Variants in COL9A1 observed in about 807,000 individuals in gnomAD.
COL9A1 encodes the protein collagen alpha-1(IX) chain.
A neutral mutation model predicts 142.6 loss-of-function variants in COL9A1; 104 were observed. The observed-to-expected ratio is 0.73, with a 90% CI of 0.62 to 0.86. COL9A1 has a LOEUF of 0.86. Among genes scored for constraint, COL9A1 ranks in the 40% least tolerant of loss-of-function variants. The pLI is 0.00. For synonymous variants in COL9A1, 466 were observed against 396.0 expected (o/e 1.18, Z -2.10); for missense variants, 1,210 against 1,176.6 (o/e 1.03, Z -0.42).
intron 33 of COL9A1, among the ~76,000 whole-genome samples, chr6:70,236,412 C>T (rs1355601483): frequency 6.6e-6 from 1 of 152,164 alleles, no homozygotes; most frequent in Non-Finnish European, 1.5e-5. Flanking sequence ...CTCCAATGTA[C>T]TGCTGCTGTT....
At chr6:70,282,542 G>A (rs992905863) in intron 7 of COL9A1, among the ~76,000 whole-genome samples, 3 of 150,808 alleles carry the variant, frequency 2.0e-5, no homozygotes, top group Non-Finnish European at 4.4e-5. Context: ...TTCCAGCAAG[G>A]CCTGCTGTTG....
chr6:70,301,246 A>G (rs1251828516), intron 2 of COL9A1, among the ~76,000 whole-genome samples: 5 of 152,276 alleles, frequency 3.3e-5, no homozygotes, highest in African/African-American at 9.6e-5. Flanking sequence ...ATCTGACAAC[A>G]GAGACTCTCT....
At chr6:70,241,072 T>C (rs1770226961) in intron 31 of COL9A1, among the ~76,000 whole-genome samples, 1 of 152,198 alleles carries the variant, frequency 6.6e-6, no homozygotes, top group South Asian at 2.1e-4. Context: ...AACAGTTTAT[T>C]TGCTGAGGTC....
intron 2 of COL9A1, among the ~76,000 whole-genome samples, chr6:70,301,214 C>G (rs1193381547): frequency 6.6e-6 from 1 of 152,182 alleles, no homozygotes; most frequent in African/African-American, 2.4e-5. Flanking sequence ...AAATATCCAA[C>G]CTCAGTGCCT....
At chr6:70,226,147 T>A in intron 36 of COL9A1, 138 bp from the exon 37 acceptor site, 1 of 704,148 alleles carries the variant, frequency 1.4e-6, no homozygotes, top group Non-Finnish European at 2.4e-6. Context: ...AGTGAGTATG[T>A]AGCAAGGCAA....
At chr6:70,273,432 T>C (rs1219960297) in intron 12 of COL9A1, among the ~76,000 whole-genome samples, 2 of 152,070 alleles carry the variant, frequency 1.3e-5, no homozygotes, top group African/African-American at 4.8e-5. Context: ...TGCTGAAATA[T>C]GGCAAAGAAA....
chr6:70,256,315 A>AAAAG (rs773131974), intron 21 of COL9A1, among the ~76,000 whole-genome samples: 4 of 152,344 alleles, frequency 2.6e-5, no homozygotes, highest in African/African-American at 4.8e-5. Flanking sequence ...ATATTCAATT[A>AAAAG]TCAATGGATG....
intron 5 of COL9A1, among the ~76,000 whole-genome samples, chr6:70,287,190 G>C (rs1021998107): frequency 2.0e-5 from 3 of 152,132 alleles, no homozygotes; most frequent in Non-Finnish European, 4.4e-5. Flanking sequence ...TTTACATAGA[G>C]GGGTTACAAC....
At chr6:70,301,442 T>A (rs989708603) in intron 2 of COL9A1, among the ~76,000 whole-genome samples, 10 of 152,122 alleles carry the variant, frequency 6.6e-5, no homozygotes, top group Non-Finnish European at 1.2e-4. Context: ...CCAGGCATGC[T>A]GGCACATGCC....
Position 70,272,095 on chromosome 6 carries a change from G to C in COL9A1, c.1066-7C>G. On this transcript the variant is annotated splice_region_variant and splice_polypyrimidine_tract_variant and intron_variant, in intron 12 of 37. Coordinates refer to ENST00000357250, the MANE Select transcript of COL9A1 (RefSeq NM_001851.6). ...GTCCAGGAATACCACGGCCCTAAAA[G>C]AGTACAATAAAAATGGTTATAGCTT... is the stretch of plus-strand genomic sequence containing the variant. 2 of 1,610,336 alleles carry C rather than the reference G, an allele frequency of 1.2e-6. No homozygotes were observed. The highest frequency in any genetic ancestry group is 1.7e-6 in the Non-Finnish European group (2 of 1,177,254).
intron 10 of COL9A1, chr6:70,280,222 A>T: frequency 9.7e-7 from 1 of 1,026,970 alleles, no homozygotes; most frequent in Non-Finnish European, 1.3e-6. Context: ...CAGTAATGCC[A>T]GCCAGAAAAA....
At chr6:70,282,348 G>T (rs1040077151) in intron 7 of COL9A1, among the ~76,000 whole-genome samples, 2 of 152,186 alleles carry the variant, frequency 1.3e-5, no homozygotes, top group Non-Finnish European at 2.9e-5. Flanking sequence ...CGCCCCCGCC[G>T]GGTCCTCCCT....
intron 11 of COL9A1, 29 bp downstream of exon 11, chr6:70,274,690 T>C (rs1216158897): frequency 6.3e-7 from 1 of 1,575,472 alleles, no homozygotes; most frequent in Admixed American, 1.7e-5. Context: ...ATTTTCGTAC[T>C]AGCAATTAAT....
intron 17 of COL9A1, among the ~76,000 whole-genome samples, chr6:70,267,008 T>A (rs1772057998): frequency 6.6e-6 from 1 of 152,216 alleles, no homozygotes; most frequent in Non-Finnish European, 1.5e-5. Context: ...CATTACCTAG[T>A]TCAGCAATGT....
At chr6:70,288,332 C>A (rs1773531800) in intron 5 of COL9A1, among the ~76,000 whole-genome samples, 1 of 152,180 alleles carries the variant, frequency 6.6e-6, no homozygotes, top group South Asian at 2.1e-4. Context: ...ACCACTACCA[C>A]CCTGGTCTAA....
chr6:70,251,393 A>C (rs548501), intron 28 of COL9A1, among the ~76,000 whole-genome samples: 1 of 152,054 alleles, frequency 6.6e-6, no homozygotes, highest in Non-Finnish European at 1.5e-5. Flanking sequence ...AAAAAAAATT[A>C]AAAGTTAGCC....
intron 18 of COL9A1, among the ~76,000 whole-genome samples, chr6:70,265,606 C>T (rs1398733997): frequency 1.3e-5 from 2 of 150,480 alleles, no homozygotes; most frequent in Admixed American, 1.3e-4. Context: ...TTTTAAGATT[C>T]AATGGAAGAA....
chr6:70,266,137 A>G (rs964793829), intron 18 of COL9A1, among the ~76,000 whole-genome samples: 5 of 152,222 alleles, frequency 3.3e-5, no homozygotes, highest in African/African-American at 1.2e-4. Context: ...GTTTTTCTGC[A>G]GGGCATGCCA....
At chr6:70,245,655 C>G (rs916755681) in intron 28 of COL9A1, 1 of 152,058 alleles carries the variant, frequency 6.6e-6, no homozygotes, top group Non-Finnish European at 1.5e-5. Flanking sequence ...AAAATCCTAC[C>G]ATTAAAAATG....
Sources: gnomAD v4.1 joint callset for allele counts (sites outside exome capture counted in the v4.1 genomes callset) on GRCh38, gnomAD v4.1.1 for gene constraint, MANE v1.5 for transcripts, NCBI Gene and HGNC (gene_info 2026-07-23, HGNC 2026-07-21) for gene names.